Variants in KHDC1 observed in about 807,000 individuals in gnomAD.
KHDC1 encodes the protein KH homology domain-containing protein 1.
A neutral mutation model predicts 24.7 loss-of-function variants in KHDC1; 21 were observed. The observed-to-expected ratio is 0.85, with a 90% confidence interval of 0.60 to 1.23. KHDC1 has a LOEUF of 1.23. Ranked by LOEUF, KHDC1 falls within the 50% of genes most tolerant of loss-of-function variation. The pLI is 0.00. For synonymous variants in KHDC1, 98 were observed against 111.7 expected (o/e 0.88, Z 0.77); for missense variants, 274 against 298.5 (o/e 0.92, Z 0.61).
At chr6:73,288,167 C>G (rs1156355973) in intron 2 of KHDC1, among the ~76,000 whole-genome samples, 1 of 152,246 alleles carries the variant, frequency 6.6e-6, no homozygotes, top group Non-Finnish European at 1.5e-5. Flanking sequence ...CGGCAGTGAA[C>G]TGCTGCAGAC....
intron 2 of KHDC1, among the ~76,000 whole-genome samples, chr6:73,286,471 A>G (rs1170872118): frequency 6.6e-6 from 1 of 152,144 alleles, no homozygotes; most frequent in Non-Finnish European, 1.5e-5. Flanking sequence ...TCACTAACAA[A>G]CCAACTTTTC....
At chr6:73,266,049 A>C (rs1012495152) in intron 2 of KHDC1, among the ~76,000 whole-genome samples, 4 of 152,204 alleles carry the variant, frequency 2.6e-5, no homozygotes, top group East Asian at 1.9e-4. Context: ...GACAAAAAGC[A>C]TGCCATATGT....
rs1170670883 is a variant in KHDC1 at position 73,285,665 on chromosome 6, T to TA, written c.206+6332dup. Among the ~76,000 whole-genome samples the TA allele has an allele frequency of 8.3e-4, 121 of 145,490 alleles. 1 individual carries two copies. Among genetic ancestry groups the TA allele is most frequent in the African/African-American group, 3.1e-3 (119 of 38,424 alleles). On this transcript the variant is annotated intron_variant, in intron 2 of 4. Coordinates refer to ENST00000370384, the Ensembl canonical transcript of KHDC1. ...CTTTTTTTTCTTTTTTTTTTTTTTT[T>TA]ATTATACTCTAAGTTTTAGGGTACA... is the stretch of plus-strand genomic sequence containing the variant.
chr6:73,277,150 C>T (rs1051140601), intron 2 of KHDC1, among the ~76,000 whole-genome samples: 2 of 152,096 alleles, frequency 1.3e-5, no homozygotes, highest in African/African-American at 4.8e-5. Context: ...AAATTGATTC[C>T]ATTCTCCTTA....
intron 1 of KHDC1, among the ~76,000 whole-genome samples, chr6:73,297,347 CATG>C (rs1405036055): frequency 6.6e-6 from 1 of 152,012 alleles, no homozygotes; most frequent in Admixed American, 6.6e-5. Flanking sequence ...ATATAGATTT[CATG>C]ATGATGAGCA....
At chr6:73,268,272 A>G (rs1033017127) in intron 2 of KHDC1, 1 of 153,326 alleles carries the variant, frequency 6.5e-6, no homozygotes. Context: ...AAGGCGGCGC[A>G]TCTGGAGTTT....
intron 2 of KHDC1, among the ~76,000 whole-genome samples, chr6:73,282,784 G>C (rs1767438764): frequency 6.6e-6 from 1 of 152,024 alleles, no homozygotes; most frequent in South Asian, 2.1e-4. Flanking sequence ...AATTCCCTAT[G>C]ATTTTATCTC....
intron 2 of KHDC1, among the ~76,000 whole-genome samples, chr6:73,282,814 TCGACACA>T (rs1182992327): frequency 2.0e-5 from 3 of 152,224 alleles, no homozygotes; most frequent in Admixed American, 6.6e-5. Flanking sequence ...CAATCAACAC[TCGACACA>T]CTGTCCTTCC....
At chr6:73,296,705 T>A (rs2984130) in intron 1 of KHDC1, among the ~76,000 whole-genome samples, 12,062 of 152,182 alleles carry the variant, frequency 0.079, 526 homozygotes, top group East Asian at 0.13. Context: ...TCTCATCAGA[T>A]CCCAAGAGTT....
At position 73,272,644 on chromosome 6, in the gene KHDC1, C is replaced by T. The variant is rs9442899; in HGVS notation, c.206+19354G>A. Among the ~76,000 whole-genome samples, 1,486 of 150,906 alleles carry T rather than the reference C, an allele frequency of 9.8e-3. 23 individuals carry two copies. Among genetic ancestry groups the T allele is most frequent in the African/African-American group, 0.034 (1,409 of 41,220 alleles). On this transcript the variant is annotated intron_variant, in intron 2 of 4. Transcript: ENST00000370384. Reference sequence around the variant, plus strand: ...ACAAAAAGTTAGCCAGGTTTGGTGGCGGGTGCCTGTAATCCCAGTTACTCA... The same window carrying T: ...ACAAAAAGTTAGCCAGGTTTGGTGGTGGGTGCCTGTAATCCCAGTTACTCA...
At chr6:73,289,508 G>T (rs1215433062) in intron 2 of KHDC1, among the ~76,000 whole-genome samples, 1 of 150,654 alleles carries the variant, frequency 6.6e-6, no homozygotes. Flanking sequence ...AAATTAGCCA[G>T]GCCATGGTGG....
At chr6:73,290,139 T>C (rs1208439618) in intron 2 of KHDC1, among the ~76,000 whole-genome samples, 4 of 143,636 alleles carry the variant, frequency 2.8e-5, no homozygotes, top group African/African-American at 1.0e-4. Context: ...TAGCCAGGCA[T>C]GGTGGTGCAT....
At chr6:73,271,395 C>T (rs1767177132) in intron 2 of KHDC1, among the ~76,000 whole-genome samples, 1 of 150,722 alleles carries the variant, frequency 6.6e-6, no homozygotes. Context: ...TTTTAGTAGA[C>T]ACAGGGTTTC....
intron 2 of KHDC1, among the ~76,000 whole-genome samples, chr6:73,255,535 T>TC (rs1027012562): frequency 6.7e-6 from 1 of 150,202 alleles, no homozygotes; most frequent in African/African-American, 2.4e-5. Flanking sequence ...TTTTTTTTTT[T>TC]CCAACCAGTT....
rs1766836887 is a variant in KHDC1 at position 73,254,248 on chromosome 6, G to A, written c.207-11718C>T. Among the ~76,000 whole-genome samples, 4 of 151,974 alleles carry A rather than the reference G, an allele frequency of 2.6e-5. No homozygotes were observed. The South Asian group carries it at 6.2e-4, about 24-fold the overall frequency. ...GCCGAGGCGGGTGGGATCACTTGAT[G>A]TCAGGAGTTTAAGACCAGCCTGGCC... On this transcript the variant is annotated intron_variant, in intron 2 of 4. Coordinates refer to ENST00000370384, the Ensembl canonical transcript of KHDC1.
At chr6:73,304,765 G>A (rs954995145) in intron 1 of KHDC1, among the ~76,000 whole-genome samples, 27 of 152,172 alleles carry the variant, frequency 1.8e-4, no homozygotes, top group South Asian at 2.1e-4. Flanking sequence ...GAACTGGACT[G>A]TGAAACAAGG....
At chr6:73,286,559 T>G (rs1478431842) in intron 2 of KHDC1, among the ~76,000 whole-genome samples, 1 of 152,104 alleles carries the variant, frequency 6.6e-6, no homozygotes, top group Non-Finnish European at 1.5e-5. Context: ...GCAGAATGTG[T>G]TATGACAAAG....
intron 1 of KHDC1, among the ~76,000 whole-genome samples, chr6:73,298,456 GAC>G (rs1767802652): frequency 1.3e-5 from 1 of 79,638 alleles, no homozygotes; most frequent in African/African-American, 7.2e-5. Context: ...TTTTTTTTGA[GAC>G]AGAGTCTTGC....
chr6:73,277,015 A>G (rs1767311309), intron 2 of KHDC1, among the ~76,000 whole-genome samples: 1 of 152,218 alleles, frequency 6.6e-6, no homozygotes, highest in African/African-American at 2.4e-5. Context: ...GGGTGTAGCT[A>G]GGATAATTAA....
Sources: gnomAD v4.1 joint callset for allele counts (sites outside exome capture counted in the v4.1 genomes callset) on GRCh38, gnomAD v4.1.1 for gene constraint, MANE v1.5 for transcripts, NCBI Gene and HGNC (gene_info 2026-07-23, HGNC 2026-07-21) for gene names.